The following RRAGB variants were observed in gnomAD, a reference collection of about 807,000 sequenced individuals.
The protein encoded by RRAGB is Ras related GTP binding B.
A neutral mutation model predicts 29.3 loss-of-function variants in RRAGB; 6 were observed. That is an observed-to-expected ratio of 0.21 (90% CI 0.11 to 0.40). The LOEUF is 0.40. Ranked by LOEUF, RRAGB falls within the 10% of genes least tolerant of loss-of-function variation. The pLI is 1.00. For missense variants in RRAGB, 184 were observed against 272.9 expected, an observed-to-expected ratio of 0.67 and a Z score of 2.29; for synonymous variants, 101 against 92.5, an observed-to-expected ratio of 1.09 and a Z score of -0.53.
intron 4 of RRAGB, 53 bp from the exon 5 acceptor site, chrX:55,731,311 T>A (rs5960480): frequency 9.7e-6 from 9 of 926,170 alleles, no homozygotes; most frequent in African/African-American, 2.0e-5. Flanking sequence ...AGGCTATAAG[T>A]AGGAGTGATT....
chrX:55,730,230 C>T (rs1210481926), intron 4 of RRAGB, among the ~76,000 whole-genome samples: 1 of 112,215 alleles, frequency 8.9e-6, no homozygotes, highest in Non-Finnish European at 1.9e-5. Flanking sequence ...AAGAATAATG[C>T]AATAGCTAAA....
chrX:55,748,471 C>G (rs1172855174), intron 5 of RRAGB, among the ~76,000 whole-genome samples: 1 of 109,115 alleles, frequency 9.2e-6, no homozygotes, highest in Non-Finnish European at 1.9e-5. Context: ...AGGAGAGTCT[C>G]TGCCTGGCCG....
At chrX:55,742,817 G>T (rs776371512) in intron 5 of RRAGB, among the ~76,000 whole-genome samples, 3 of 111,641 alleles carry the variant, frequency 2.7e-5, no homozygotes, top group African/African-American at 9.8e-5. Flanking sequence ...TTTATTGGAC[G>T]CTGACTCAGA....
intron 5 of RRAGB, 95 bp downstream of exon 5, chrX:55,731,681 A>G (rs1455713876): frequency 1.8e-6 from 1 of 568,594 alleles, no homozygotes; most frequent in Non-Finnish European, 2.7e-6. Context: ...TTTTTCAGGA[A>G]TAAAAAGTCA....
chrX:55,748,012 C>T (rs915059817), intron 5 of RRAGB, among the ~76,000 whole-genome samples: 8 of 112,530 alleles, frequency 7.1e-5, no homozygotes, highest in East Asian at 5.6e-4. Context: ...CCATTGCAGG[C>T]GGGCGCCGCC....
chrX:55,727,847 C>A (rs970495949), intron 3 of RRAGB, among the ~76,000 whole-genome samples: 6 of 111,609 alleles, frequency 5.4e-5, no homozygotes, highest in Non-Finnish European at 1.1e-4. Flanking sequence ...AGGATAAAAT[C>A]TTTCATTATT....
chrX:55,749,586 A>C (rs1343931865), intron 5 of RRAGB, among the ~76,000 whole-genome samples: 1 of 111,187 alleles, frequency 9.0e-6, no homozygotes, highest in African/African-American at 3.2e-5. Context: ...GTTTTGTGGA[A>C]TAGAAAGGGG....
chrX:55,751,417 C>T (rs902214057), intron 6 of RRAGB: 1 of 318,816 alleles, frequency 3.1e-6, no homozygotes, highest in Non-Finnish European at 5.4e-6. Context: ...CCAAGTCACA[C>T]TGAATTAGCC....
chrX:55,755,060 C>T, intron 7 of RRAGB: 1 of 751,059 alleles, frequency 1.3e-6, no homozygotes, highest in Non-Finnish European at 1.6e-6. Context: ...GTTTTTGTTT[C>T]TCTTGAGACC....
intron 7 of RRAGB, chrX:55,754,976 A>G: frequency 2.5e-6 from 1 of 400,918 alleles, no homozygotes; most frequent in Non-Finnish European, 3.2e-6. Context: ...GTATTCCCCT[A>G]CTATGTCTGC....
At chrX:55,751,971 C>A (rs1482633181) in intron 6 of RRAGB, among the ~76,000 whole-genome samples, 1 of 111,241 alleles carries the variant, frequency 9.0e-6, no homozygotes, top group Non-Finnish European at 1.9e-5. Flanking sequence ...TAGGAAAGCA[C>A]CCTTCTCTGT....
intron 8 of RRAGB, among the ~76,000 whole-genome samples, chrX:55,756,522 C>T (rs896088103): frequency 1.8e-5 from 2 of 112,254 alleles, no homozygotes; most frequent in Non-Finnish European, 3.8e-5. Flanking sequence ...TAAGTTTACT[C>T]TCTTTATGCC....
chrX:55,732,068 A>T (rs1256407000), intron 5 of RRAGB, among the ~76,000 whole-genome samples: 1 of 112,477 alleles, frequency 8.9e-6, no homozygotes, highest in South Asian at 3.7e-4. Context: ...CTGACATGGG[A>T]GTTAGTACAC....
chrX:55,729,876 A>T (rs1032282378), intron 4 of RRAGB, among the ~76,000 whole-genome samples: 9 of 112,448 alleles, frequency 8.0e-5, no homozygotes, highest in African/African-American at 2.9e-4. Flanking sequence ...CACACTGTGG[A>T]TGTATGCTGG....
chrX:55,735,572 T>C (rs2033838970), intron 5 of RRAGB, among the ~76,000 whole-genome samples: 1 of 112,023 alleles, frequency 8.9e-6, no homozygotes, highest in South Asian at 3.7e-4. Context: ...ATTCTGTCCA[T>C]CTATTATCTT....
chrX:55,750,181 CGTAT>C (rs752498642), intron 5 of RRAGB, among the ~76,000 whole-genome samples: 78 of 50,625 alleles, frequency 1.5e-3, no homozygotes, highest in South Asian at 3.0e-3. Context: ...TACATACATA[CGTAT>C]GTGTGTGTGT....
At chrX:55,741,028 T>A (rs1181125442) in intron 5 of RRAGB, among the ~76,000 whole-genome samples, 1 of 37,339 alleles carries the variant, frequency 2.7e-5, no homozygotes. Flanking sequence ...CAAAATGATT[T>A]TTTTTTTTTT....
At chrX:55,751,586 G>A (rs1342669747) in intron 6 of RRAGB, 2 of 115,687 alleles carry the variant, frequency 1.7e-5, no homozygotes, top group African/African-American at 3.3e-5. Context: ...CCTAAGTTTG[G>A]ATGGCAATAA....
chrX:55,746,347 A>G (rs1345286865), intron 5 of RRAGB, among the ~76,000 whole-genome samples: 1 of 111,987 alleles, frequency 8.9e-6, no homozygotes, highest in African/African-American at 3.2e-5. Context: ...TCTACGAGTC[A>G]GACTATTCTG....
Sources: gnomAD v4.1 joint callset for allele counts (sites outside exome capture counted in the v4.1 genomes callset) on GRCh38, gnomAD v4.1.1 for gene constraint, MANE v1.5 for transcripts, NCBI Gene and HGNC (gene_info 2026-07-23, HGNC 2026-07-21) for gene names.